MSI2: variants seen among roughly 807,000 people sequenced by gnomAD.
The protein encoded by MSI2 is musashi RNA binding protein 2, also known as RNA-binding protein Musashi homolog 2.
In MSI2, 17 loss-of-function variants were observed where a neutral mutation model predicts 45.6. The ratio of observed to expected loss-of-function variants is 0.37; its 90% confidence interval spans 0.26 to 0.56. The LOEUF is 0.56. Ranked by LOEUF, MSI2 falls within the 20% of genes least tolerant of loss-of-function variation. MSI2 has a pLI of 0.77. For missense variants in MSI2, 293 were observed against 444.2 expected (o/e 0.66, Z 3.06); for synonymous variants, 156 against 158.2 (o/e 0.99, Z 0.11).
chr17:57,273,540 G>T (rs1271613789), intron 5 of MSI2, among the ~76,000 whole-genome samples: 1 of 133,014 alleles, frequency 7.5e-6, no homozygotes, highest in Admixed American at 8.0e-5. Context: ...GTGGGTGGGG[G>T]GGGGGACCTC....
At chr17:57,554,721 C>T (rs567080875) in intron 7 of MSI2, among the ~76,000 whole-genome samples, 1 of 152,344 alleles carries the variant, frequency 6.6e-6, no homozygotes, top group South Asian at 2.1e-4. Flanking sequence ...TGTTATTATG[C>T]CTGTTTTTTC....
chr17:57,494,397 T>C (rs2085935004), intron 6 of MSI2, among the ~76,000 whole-genome samples: 2 of 152,194 alleles, frequency 1.3e-5, no homozygotes, highest in Non-Finnish European at 2.9e-5. Context: ...TCTTTTTTGG[T>C]GCCAGGAGAC....
chr17:57,309,779 C>G (rs1912222241), intron 5 of MSI2, among the ~76,000 whole-genome samples: 1 of 151,990 alleles, frequency 6.6e-6, no homozygotes, highest in Non-Finnish European at 1.5e-5. Flanking sequence ...TGGGGAGTCT[C>G]AATGGATGAC....
chr17:57,676,060 G>GT (rs1913206143), intron 12 of MSI2, among the ~76,000 whole-genome samples: 1 of 152,214 alleles, frequency 6.6e-6, no homozygotes, highest in Non-Finnish European at 1.5e-5. Context: ...TGCGTCTGCA[G>GT]TCCCAGGCCA....
At chr17:57,383,771 C>T (rs1457721798) in intron 5 of MSI2, among the ~76,000 whole-genome samples, 1 of 152,208 alleles carries the variant, frequency 6.6e-6, no homozygotes, top group East Asian at 1.9e-4. Flanking sequence ...TGGTGGTGTG[C>T]CTTGGGGGTG....
At chr17:57,439,745 A>G (rs945828464) in intron 6 of MSI2, among the ~76,000 whole-genome samples, 1 of 152,152 alleles carries the variant, frequency 6.6e-6, no homozygotes, top group Non-Finnish European at 1.5e-5. Context: ...TTTTTAGTAG[A>G]GAAGGAGCTC....
chr17:57,428,267 A>G (rs2084531044), intron 6 of MSI2, among the ~76,000 whole-genome samples: 1 of 152,234 alleles, frequency 6.6e-6, no homozygotes, highest in Admixed American at 6.5e-5. Flanking sequence ...TCTGTCACCC[A>G]GGCTGGTGTG....
chr17:57,572,370 C>A (rs572750040), intron 7 of MSI2, among the ~76,000 whole-genome samples: 1 of 152,216 alleles, frequency 6.6e-6, no homozygotes, highest in Non-Finnish European at 1.5e-5. Flanking sequence ...ATAGAAGCCT[C>A]TGGGATTAGA....
At chr17:57,435,915 C>G (rs1298665286) in intron 6 of MSI2, among the ~76,000 whole-genome samples, 3 of 152,186 alleles carry the variant, frequency 2.0e-5, no homozygotes, top group South Asian at 4.1e-4. Flanking sequence ...GGGATTTGCT[C>G]TACTATACAC....
chr17:57,300,409 C>T (rs187914172), intron 5 of MSI2, among the ~76,000 whole-genome samples: 3 of 152,138 alleles, frequency 2.0e-5, no homozygotes, highest in Admixed American at 6.5e-5. Flanking sequence ...TAAAGGTTTC[C>T]GTAGGGCTGC....
chr17:57,360,103 T>G (rs8066728), intron 5 of MSI2, among the ~76,000 whole-genome samples: 81 of 152,348 alleles, frequency 5.3e-4, no homozygotes, highest in South Asian at 1.9e-3. Flanking sequence ...GAGGAGGCAC[T>G]GGGGGTTGCA....
Position 57,575,110 on chromosome 17 carries a change from G to A in MSI2, c.455-21758G>A, listed in dbSNP as rs531722297. Among the ~76,000 whole-genome samples the A allele has an allele frequency of 1.9e-4, 29 of 151,616 alleles. 1 individual carries two copies. The South Asian group carries it at 3.9e-3, about 21-fold the overall frequency. ...CTCCCAAAGTGCTGGAATTACAGGC[G>A]TGAGCCACTGTGCCCGGCCGCATTC... On this transcript the variant is annotated intron_variant, in intron 7 of 13. Coordinates refer to ENST00000284073, the MANE Select transcript of MSI2 (RefSeq NM_138962.4).
chr17:57,571,440 C>T (rs527502534), intron 7 of MSI2, among the ~76,000 whole-genome samples: 157 of 152,284 alleles, frequency 1.0e-3, no homozygotes, highest in Non-Finnish European at 1.8e-3. Context: ...CACCAGGCCC[C>T]GCTCCTCCCA....
intron 5 of MSI2, among the ~76,000 whole-genome samples, chr17:57,288,359 TG>T (rs1482310697): frequency 6.6e-6 from 1 of 152,230 alleles, no homozygotes; most frequent in Non-Finnish European, 1.5e-5. Context: ...TTGATTTTAC[TG>T]CTTTGGACCG....
intron 5 of MSI2, among the ~76,000 whole-genome samples, chr17:57,262,705 G>A (rs1907429969): frequency 6.6e-6 from 1 of 152,196 alleles, no homozygotes; most frequent in Non-Finnish European, 1.5e-5. Flanking sequence ...ATAAGTCAGG[G>A]CATACTTGAA....
chr17:57,497,451 G>A (rs1256685337), intron 6 of MSI2, among the ~76,000 whole-genome samples: 2 of 152,246 alleles, frequency 1.3e-5, no homozygotes, highest in African/African-American at 2.4e-5. Flanking sequence ...GGTGCTGGGT[G>A]TAGTCTTCTC....
intron 10 of MSI2, among the ~76,000 whole-genome samples, chr17:57,648,166 TG>T (rs1910839176): frequency 1.3e-5 from 2 of 149,620 alleles, no homozygotes; most frequent in African/African-American, 5.0e-5. Context: ...TGTGTGTGTG[TG>T]TGTGTGTGTG....
intron 6 of MSI2, among the ~76,000 whole-genome samples, chr17:57,404,042 T>C (rs975595973): frequency 6.6e-6 from 1 of 152,206 alleles, no homozygotes; most frequent in Non-Finnish European, 1.5e-5. Flanking sequence ...TGTTTTTGAC[T>C]CTCTTTAACC....
chr17:57,548,871 C>T (rs1242892550), intron 7 of MSI2, among the ~76,000 whole-genome samples: 1 of 151,358 alleles, frequency 6.6e-6, no homozygotes, highest in African/African-American at 2.4e-5. Flanking sequence ...CCTCTTCACC[C>T]CTTACTTCTC....
Sources: allele counts gnomAD v4.1 joint callset (sites outside exome capture counted in the v4.1 genomes callset), GRCh38; gene constraint gnomAD v4.1.1; transcripts MANE v1.5; gene names NCBI Gene and HGNC (gene_info 2026-07-23, HGNC 2026-07-21).